Variants in SKAP1 observed in about 807,000 individuals in gnomAD.
SKAP1 encodes the protein src kinase-associated phosphoprotein 1.
A neutral mutation model predicts 58.5 loss-of-function variants in SKAP1; 44 were observed. The ratio of observed to expected loss-of-function variants is 0.75; its 90% CI spans 0.59 to 0.97. The LOEUF is 0.97. Among genes scored for constraint, SKAP1 ranks in the 50% least tolerant of loss-of-function variants. SKAP1 has a pLI of 0.00. For missense variants in SKAP1, 390 were observed against 435.2 expected (o/e 0.90, Z 0.92); for synonymous variants, 127 against 149.7 (o/e 0.85, Z 1.11).
intron 4 of SKAP1, among the ~76,000 whole-genome samples, chr17:48,321,310 C>T (rs527271993): frequency 1.3e-5 from 2 of 150,922 alleles, no homozygotes; most frequent in South Asian, 4.2e-4. Context: ...AACAATATTC[C>T]ACAATGATCT....
intron 4 of SKAP1, among the ~76,000 whole-genome samples, chr17:48,269,307 GA>G (rs145852880): frequency 6.7e-6 from 1 of 149,312 alleles, no homozygotes; most frequent in African/African-American, 2.5e-5. Context: ...ACCACTTTGA[GA>G]AAAAAAAACA....
At chr17:48,332,051 C>T (rs554474491) in intron 4 of SKAP1, among the ~76,000 whole-genome samples, 1 of 152,072 alleles carries the variant, frequency 6.6e-6, no homozygotes, top group African/African-American at 2.4e-5. Flanking sequence ...AGAAAAGTAA[C>T]TTGTAATGCC....
At chr17:48,261,047 C>T (rs2065479112) in intron 4 of SKAP1, among the ~76,000 whole-genome samples, 1 of 152,172 alleles carries the variant, frequency 6.6e-6, no homozygotes, top group South Asian at 2.1e-4. Flanking sequence ...AAAAAAACTT[C>T]TATTATAGCA....
At chr17:48,221,268 A>G (rs954189783) in intron 4 of SKAP1, among the ~76,000 whole-genome samples, 3 of 152,216 alleles carry the variant, frequency 2.0e-5, no homozygotes, top group South Asian at 2.1e-4. Context: ...CTCTGTCTCA[A>G]TAAATAAATA....
intron 4 of SKAP1, among the ~76,000 whole-genome samples, chr17:48,252,349 C>T (rs1446730690): frequency 6.6e-6 from 1 of 152,176 alleles, no homozygotes; most frequent in East Asian, 1.9e-4. Flanking sequence ...AGTAGCACTT[C>T]TTGAGACCAA....
chr17:48,142,956 C>G (rs902520990), intron 11 of SKAP1, among the ~76,000 whole-genome samples: 1 of 151,110 alleles, frequency 6.6e-6, no homozygotes, highest in Non-Finnish European at 1.5e-5. Context: ...TGCATTTCAC[C>G]ATGCCTGGCT....
chr17:48,192,495 C>T (rs770883243), intron 4 of SKAP1, among the ~76,000 whole-genome samples: 2 of 152,036 alleles, frequency 1.3e-5, no homozygotes, highest in African/African-American at 2.4e-5. Flanking sequence ...CAGGGAGAGT[C>T]TGTGAGTATG....
Position 48,143,547 on chromosome 17 carries a change from C to T in SKAP1, c.979-6210G>A, listed in dbSNP as rs545926940. Among the ~76,000 whole-genome samples, 17 of 152,200 alleles carry T rather than the reference C, an allele frequency of 1.1e-4. No individual in the cohort carries two copies. In the South Asian group the frequency reaches 1.2e-3, roughly 11 times the overall value. On this transcript the variant is annotated intron_variant, in intron 11 of 12. Transcript: ENST00000336915. ...CTCTTGGTACAAGATATGTTACTGTCCATTTTCCGACACTGAAATTAGGGC... is the reference window on the plus strand; with the variant it reads ...CTCTTGGTACAAGATATGTTACTGTTCATTTTCCGACACTGAAATTAGGGC...
chr17:48,330,222 G>T, intron 4 of SKAP1, among the ~76,000 whole-genome samples: 1 of 152,210 alleles, frequency 6.6e-6, no homozygotes, highest in East Asian at 1.9e-4. Context: ...ATCGATTCCA[G>T]TTAATTATTT....
chr17:48,416,210 A>AT (rs11405480), intron 1 of SKAP1, among the ~76,000 whole-genome samples: 73,935 of 151,236 alleles, frequency 0.49, 18,641 homozygotes, highest in African/African-American at 0.59. Context: ...TGATACCTGT[A>AT]TTTTTTTTTC....
At chr17:48,341,346 T>C (rs557556095) in intron 4 of SKAP1, among the ~76,000 whole-genome samples, 5 of 152,248 alleles carry the variant, frequency 3.3e-5, no homozygotes, top group African/African-American at 4.8e-5. Flanking sequence ...TTGTTTAAAA[T>C]AGATTCATAT....
intron 11 of SKAP1, among the ~76,000 whole-genome samples, chr17:48,159,763 T>C (rs2064042079): frequency 6.6e-6 from 1 of 152,254 alleles, no homozygotes; most frequent in African/African-American, 2.4e-5. Flanking sequence ...AGGCGATGAA[T>C]AGATTGGGTG....
chr17:48,277,440 A>G (rs1360263734), intron 4 of SKAP1, among the ~76,000 whole-genome samples: 2 of 152,234 alleles, frequency 1.3e-5, no homozygotes, highest in African/African-American at 2.4e-5. Context: ...CACGATTAAT[A>G]TATGGAGCAT....
At chr17:48,215,476 G>A (rs1221751017) in intron 4 of SKAP1, among the ~76,000 whole-genome samples, 1 of 152,208 alleles carries the variant, frequency 6.6e-6, no homozygotes, top group Non-Finnish European at 1.5e-5. Flanking sequence ...ATCTGCGAAA[G>A]CAGAACCGAA....
intron 2 of SKAP1, among the ~76,000 whole-genome samples, chr17:48,381,202 A>G (rs118098250): frequency 1.3e-5 from 2 of 152,178 alleles, no homozygotes; most frequent in Non-Finnish European, 2.9e-5. Context: ...ATCCCTCCTC[A>G]GCTTACCTAT....
At chr17:48,189,725 T>A (rs1211443148) in intron 4 of SKAP1, among the ~76,000 whole-genome samples, 4 of 151,170 alleles carry the variant, frequency 2.6e-5, no homozygotes, top group South Asian at 2.1e-4. Flanking sequence ...CAGGCTGGAG[T>A]ATACAATGGC....
chr17:48,432,804 T>C (rs899476202), upstream of SKAP1, among the ~76,000 whole-genome samples: 2 of 152,250 alleles, frequency 1.3e-5, no homozygotes, highest in Non-Finnish European at 2.9e-5. Flanking sequence ...CACATACTAA[T>C]ATAAGCTACC....
At chr17:48,433,410 T>C (rs552784058), upstream of SKAP1, among the ~76,000 whole-genome samples, 11 of 152,268 alleles carry the variant, frequency 7.2e-5, no homozygotes, top group South Asian at 2.3e-3. Context: ...TATGTGGCTG[T>C]CATGGAAGAA....
rs200281665 is a variant in SKAP1, at chr17:48,325,248, C to CAA, written c.280+20655_280+20656dup. ...TGGGCGACAGAGTGAGACTCCGTCT[C>CAA]AAAAAAAAAAAAAAAAAAAAAAAAA... On this transcript the variant is annotated intron_variant, in intron 4 of 12. Transcript: ENST00000336915. 1.8e-3 allele frequency among the ~76,000 whole-genome samples: 168 copies of CAA among 91,428 alleles called. 15 individuals carry two copies. The highest frequency in any genetic ancestry group is 7.8e-3 in the East Asian group (17 of 2,180). The allele number at this position is 91,428 out of a possible 152,430, so 60.0% of individuals were successfully genotyped here.
Sources: allele counts gnomAD v4.1 joint callset (sites outside exome capture counted in the v4.1 genomes callset), GRCh38; gene constraint gnomAD v4.1.1; transcripts MANE v1.5; gene names NCBI Gene and HGNC (gene_info 2026-07-23, HGNC 2026-07-21).